DPYD: variants seen among roughly 807,000 people sequenced by gnomAD.
DPYD encodes dihydropyrimidine dehydrogenase [NADP(+)].
Under a neutral mutation model 116.2 loss-of-function variants are expected in DPYD, and 109 were observed. The observed-to-expected ratio is 0.94, with a 90% CI of 0.80 to 1.10. The LOEUF is 1.10. Among genes scored for constraint, DPYD ranks in the 50% least tolerant of loss-of-function variants. The probability of loss-of-function intolerance (pLI) is 0.00; values close to 1 mark genes in which losing one functional copy is unlikely to be tolerated. For missense variants in DPYD, 1,302 were observed against 1,254.5 expected (o/e 1.04, Z -0.57); for synonymous variants, 440 against 432.0 (o/e 1.02, Z -0.23).
At chr1:97,330,921 G>C (rs776966196) in intron 16 of DPYD, among the ~76,000 whole-genome samples, 37 of 152,238 alleles carry the variant, frequency 2.4e-4, no homozygotes, top group Middle Eastern at 6.8e-3. Flanking sequence ...AGACACAGTA[G>C]ATATCTTTGT....
intron 2 of DPYD, among the ~76,000 whole-genome samples, chr1:97,872,636 CT>C (rs1173546399): frequency 1.3e-5 from 2 of 151,930 alleles, no homozygotes; most frequent in Non-Finnish European, 2.9e-5. Context: ...AAAAAACATA[CT>C]TTTAAAGAGG....
Position 97,639,766 on chromosome 1 carries a change from T to C in DPYD, c.850+39329A>G, listed in dbSNP as rs191827260. Among the ~76,000 whole-genome samples the C allele has an allele frequency of 3.1e-3, 468 of 152,306 alleles. 3 individuals carry two copies. Among genetic ancestry groups the C allele is most frequent in the South Asian group, 0.021 (102 of 4,830 alleles). On this transcript the variant is annotated intron_variant, in intron 8 of 22. Coordinates refer to ENST00000370192, the MANE Select transcript of DPYD (RefSeq NM_000110.4). ...ATAAGATTTTCAGATAAAACATTGA[T>C]TCCAATTATCTCATTGTTAATTCAA...
At chr1:97,377,784 G>A (rs1232453577) in intron 15 of DPYD, among the ~76,000 whole-genome samples, 2 of 152,148 alleles carry the variant, frequency 1.3e-5, no homozygotes, top group African/African-American at 2.4e-5. Context: ...AGGTGAGCAC[G>A]AGCATTTGAG....
chr1:97,620,217 TA>T (rs908229218), intron 8 of DPYD, among the ~76,000 whole-genome samples: 1 of 152,168 alleles, frequency 6.6e-6, no homozygotes, highest in East Asian at 1.9e-4. Flanking sequence ...TTTGTCCTTT[TA>T]AAAAAAATTT....
chr1:97,116,128 T>C (rs1294820360), intron 20 of DPYD, among the ~76,000 whole-genome samples: 4 of 152,172 alleles, frequency 2.6e-5, no homozygotes, highest in South Asian at 2.1e-4. Flanking sequence ...TAGGAGGATA[T>C]ACATATGAGA....
chr1:97,414,477 A>C (rs1169226497), intron 14 of DPYD, among the ~76,000 whole-genome samples: 1 of 152,244 alleles, frequency 6.6e-6, no homozygotes, highest in Non-Finnish European at 1.5e-5. Flanking sequence ...GGACTTGTAC[A>C]GTTTCGGTCA....
chr1:97,711,763 T>C (rs978334348), intron 5 of DPYD, among the ~76,000 whole-genome samples: 11 of 152,004 alleles, frequency 7.2e-5, no homozygotes, highest in Non-Finnish European at 1.2e-4. Context: ...TTTATTATTA[T>C]TTTTATCTTC....
chr1:97,133,468 C>A (rs1653488249), intron 20 of DPYD, among the ~76,000 whole-genome samples: 1 of 151,924 alleles, frequency 6.6e-6, no homozygotes, highest in Non-Finnish European at 1.5e-5. Context: ...CCTATAGAAG[C>A]TTGGTAAATA....
intron 20 of DPYD, among the ~76,000 whole-genome samples, chr1:97,120,083 C>A (rs1259935108): frequency 6.6e-6 from 1 of 152,144 alleles, no homozygotes; most frequent in African/African-American, 2.4e-5. Flanking sequence ...AGTTGTACCA[C>A]TTCTCCTGTG....
chr1:97,261,534 GT>G (rs1663880534), intron 18 of DPYD, among the ~76,000 whole-genome samples: 1 of 115,000 alleles, frequency 8.7e-6, no homozygotes. Context: ...AACGATTTGT[GT>G]CTCTCTCCTA....
intron 18 of DPYD, among the ~76,000 whole-genome samples, chr1:97,236,770 A>G (rs1661960506): frequency 6.6e-6 from 1 of 152,186 alleles, no homozygotes. Context: ...ATAGGTGTCA[A>G]TGCACGTTCA....
intron 14 of DPYD, among the ~76,000 whole-genome samples, chr1:97,418,580 G>GT (rs1674408073): frequency 6.6e-6 from 1 of 152,098 alleles, no homozygotes; most frequent in African/African-American, 2.4e-5. Context: ...GATTAAAGGC[G>GT]TGAGTCACTG....
chr1:97,659,178 T>C (rs1659110891), intron 8 of DPYD, among the ~76,000 whole-genome samples: 1 of 152,190 alleles, frequency 6.6e-6, no homozygotes, highest in Non-Finnish European at 1.5e-5. Flanking sequence ...ATTATGTTAC[T>C]TTACACCCAA....
chr1:97,583,481 G>C (rs541162438), intron 10 of DPYD, among the ~76,000 whole-genome samples: 1 of 152,022 alleles, frequency 6.6e-6, no homozygotes, highest in Non-Finnish European at 1.5e-5. Context: ...ACAAAACTAC[G>C]TTCTGTGTAA....
chr1:97,197,417 A>C (rs1330159267), intron 19 of DPYD, among the ~76,000 whole-genome samples: 1 of 152,196 alleles, frequency 6.6e-6, no homozygotes, highest in African/African-American at 2.4e-5. Flanking sequence ...CCATGTGAAC[A>C]TAAGAAATCA....
At chr1:97,500,359 CAGTT>C (rs1221129349) in intron 13 of DPYD, among the ~76,000 whole-genome samples, 19 of 152,048 alleles carry the variant, frequency 1.2e-4, no homozygotes, top group African/African-American at 4.6e-4. Context: ...AATTTTTACT[CAGTT>C]AAAATATCAT....
At chr1:97,844,764 C>T (rs1039136397) in intron 2 of DPYD, among the ~76,000 whole-genome samples, 50 of 152,184 alleles carry the variant, frequency 3.3e-4, no homozygotes, top group Non-Finnish European at 6.3e-4. Flanking sequence ...AGCCACCCAG[C>T]TGTGGCTCCA....
At chr1:97,624,253 A>C (rs1389788319) in intron 8 of DPYD, among the ~76,000 whole-genome samples, 2 of 152,056 alleles carry the variant, frequency 1.3e-5, no homozygotes, top group South Asian at 2.1e-4. Flanking sequence ...TATCCAAAAT[A>C]CTTAAGAAAC....
intron 14 of DPYD, among the ~76,000 whole-genome samples, chr1:97,396,076 A>C (rs1247300155): frequency 1.4e-5 from 2 of 145,216 alleles, no homozygotes; most frequent in African/African-American, 5.0e-5. Context: ...TTATATAGGA[A>C]AAGCTAACTG....
Sources: gnomAD v4.1 joint callset for allele counts (sites outside exome capture counted in the v4.1 genomes callset) on GRCh38, gnomAD v4.1.1 for gene constraint, MANE v1.5 for transcripts, NCBI Gene and HGNC (gene_info 2026-07-23, HGNC 2026-07-21) for gene names.